Variants in PPFIBP2 observed in about 807,000 individuals in gnomAD.
PPFIBP2 encodes the protein PPFIB scaffold protein 2.
In PPFIBP2, 118 loss-of-function variants were observed where a neutral mutation model predicts 118.3. The observed-to-expected ratio is 1.00, with a 90% CI of 0.86 to 1.16. The LOEUF is 1.16. Ranked by LOEUF, PPFIBP2 falls within the 50% of genes most tolerant of loss-of-function variation. The pLI is 0.00. For synonymous variants in PPFIBP2, 414 were observed against 397.4 expected, an observed-to-expected ratio of 1.04 and a Z score of -0.50; for missense variants, 1,195 against 1,073.1, an observed-to-expected ratio of 1.11 and a Z score of -1.59.
At chr11:7,589,306 CA>C (rs1269664291) in intron 3 of PPFIBP2, among the ~76,000 whole-genome samples, 2 of 152,068 alleles carry the variant, frequency 1.3e-5, no homozygotes, top group African/African-American at 4.8e-5. Flanking sequence ...AGAAAATTAG[CA>C]TGTAGGCCAG....
intron 1 of PPFIBP2, among the ~76,000 whole-genome samples, chr11:7,527,158 G>T (rs533169413): frequency 1.3e-5 from 2 of 152,042 alleles, no homozygotes; most frequent in African/African-American, 4.8e-5. Context: ...CATAGAGTGA[G>T]CAAGGTTCCA....
At chr11:7,622,424 T>C (rs112415376) in intron 7 of PPFIBP2, among the ~76,000 whole-genome samples, 2,876 of 152,308 alleles carry the variant, frequency 0.019, 82 homozygotes, top group African/African-American at 0.066. Flanking sequence ...CATCAGGGTC[T>C]CTCTATCTCA....
intron 3 of PPFIBP2, among the ~76,000 whole-genome samples, chr11:7,586,817 A>T (rs1858302176): frequency 6.6e-6 from 1 of 152,218 alleles, no homozygotes; most frequent in African/African-American, 2.4e-5. Flanking sequence ...AATGAGGGGA[A>T]CAGGGAACCC....
chr11:7,578,418 C>T (rs1856775327), intron 3 of PPFIBP2, among the ~76,000 whole-genome samples: 1 of 152,202 alleles, frequency 6.6e-6, no homozygotes, highest in African/African-American at 2.4e-5. Flanking sequence ...TGCAGAAGGA[C>T]AGAAGAACCA....
chr11:7,514,374 G>A (rs1849048359), intron 1 of PPFIBP2, among the ~76,000 whole-genome samples: 1 of 152,206 alleles, frequency 6.6e-6, no homozygotes, highest in South Asian at 2.1e-4. Context: ...AACCCTGCCT[G>A]GGATCCGCGG....
At chr11:7,543,512 A>G (rs1176318014) in intron 1 of PPFIBP2, among the ~76,000 whole-genome samples, 1 of 152,214 alleles carries the variant, frequency 6.6e-6, no homozygotes, top group Non-Finnish European at 1.5e-5. Context: ...GCTCTGGCTC[A>G]ACTGTGTCCA....
At position 7,579,645 on chromosome 11, in the gene PPFIBP2, A is replaced by G. The variant is rs186765783; in HGVS notation, c.280-13487A>G. On this transcript the variant is annotated intron_variant, in intron 3 of 23. Transcript: ENST00000299492. ...AACTCTGCCTGCTACAGGAGAAGTT[A>G]TGTGTGTGGAGGAACTAATTTTGCA... 4.6e-5 allele frequency among the ~76,000 whole-genome samples: 7 copies of G among 152,310 alleles called. No homozygotes were observed. The East Asian group carries it at 1.3e-3, about 29-fold the overall frequency.
Position 7,543,248 on chromosome 11 carries a change from C to A in PPFIBP2, c.-36-6192C>A, listed in dbSNP as rs1851971158. On this transcript the variant is annotated intron_variant, in intron 1 of 23. Coordinates refer to ENST00000299492, the MANE Select transcript of PPFIBP2 (RefSeq NM_003621.5). ...AGCTTAGGGATAGCAAAAGGTATTT[C>A]TTAAAATAACCATTTAAGAGCAGCT... is the stretch of plus-strand genomic sequence containing the variant. Among the ~76,000 whole-genome samples the A allele has an allele frequency of 2.0e-5, 3 of 152,228 alleles. 1 individual carries two copies. In the South Asian group the frequency reaches 6.2e-4, roughly 31 times the overall value.
rs773849125 is a variant in PPFIBP2 at position 7,651,641 on chromosome 11, C to G, written c.2248-15C>G. The G allele has an allele frequency of 8.8e-6, 14 of 1,590,252 alleles. No individual in the cohort carries two copies. The highest frequency in any genetic ancestry group is 1.7e-4 in the Middle Eastern group (1 of 5,966). On this transcript the variant is annotated splice_polypyrimidine_tract_variant and intron_variant, in intron 22 of 23. Transcript: ENST00000299492. Reference sequence around the variant, plus strand: ...TATTTGCTCCTGGCCAGGCTTGTCTCTGGTTCCTTCTTAGATCCTGGAGCC... The same window carrying G: ...TATTTGCTCCTGGCCAGGCTTGTCTGTGGTTCCTTCTTAGATCCTGGAGCC...
chr11:7,650,467 A>C (rs1290662108), intron 21 of PPFIBP2, among the ~76,000 whole-genome samples: 1 of 152,256 alleles, frequency 6.6e-6, no homozygotes, highest in Non-Finnish European at 1.5e-5. Context: ...TGGCCACACC[A>C]GGGAGATCTT....
At chr11:7,569,501 C>T (rs1855411589) in intron 3 of PPFIBP2, among the ~76,000 whole-genome samples, 1 of 152,186 alleles carries the variant, frequency 6.6e-6, no homozygotes, top group Non-Finnish European at 1.5e-5. Context: ...AATGGGGATA[C>T]CCTCTGGGGC....
downstream of PPFIBP2, among the ~76,000 whole-genome samples, chr11:7,660,238 G>A (rs1273795229): frequency 7.9e-6 from 1 of 126,698 alleles, no homozygotes; most frequent in East Asian, 2.0e-4. Flanking sequence ...GTTTTCAAAG[G>A]GAATGCTTCC....
chr11:7,629,943 G>C (rs1009666687), intron 10 of PPFIBP2, among the ~76,000 whole-genome samples: 1 of 152,206 alleles, frequency 6.6e-6, no homozygotes, highest in African/African-American at 2.4e-5. Flanking sequence ...AGCAGACTCA[G>C]AGGGCCCTCT....
chr11:7,625,755 G>A (rs372649357), intron 7 of PPFIBP2, 22 bp from the exon 8 acceptor site: 4 of 1,604,088 alleles, frequency 2.5e-6, no homozygotes, highest in Non-Finnish European at 3.4e-6. Flanking sequence ...GACCTGGTAG[G>A]GATCCTCTGT....
chr11:7,515,352 T>C (rs1279285469), intron 1 of PPFIBP2, among the ~76,000 whole-genome samples: 2 of 152,246 alleles, frequency 1.3e-5, no homozygotes, highest in African/African-American at 4.8e-5. Context: ...ACTGGAGAGA[T>C]AAGCTGCTTA....
chr11:7,660,542 G>A (rs1229402449), downstream of PPFIBP2, among the ~76,000 whole-genome samples: 10 of 149,748 alleles, frequency 6.7e-5, no homozygotes, highest in African/African-American at 2.2e-4. Flanking sequence ...TGCTGGATTC[G>A]TTTTGCCAGT....
chr11:7,666,601 C>T, the PPFIBP2 span: 2 of 1,366,652 alleles, frequency 1.5e-6, no homozygotes, highest in Admixed American at 1.7e-5. Flanking sequence ...TCCTCTTGTT[C>T]CCTGGACTGA....
chr11:7,538,859 A>G (rs1405294347), intron 1 of PPFIBP2, among the ~76,000 whole-genome samples: 4 of 152,134 alleles, frequency 2.6e-5, no homozygotes, highest in Non-Finnish European at 5.9e-5. Flanking sequence ...TGCAGTTCTG[A>G]TAGATCTCAG....
intron 6 of PPFIBP2, among the ~76,000 whole-genome samples, chr11:7,618,925 C>G (rs528121728): frequency 4.3e-4 from 60 of 139,854 alleles, no homozygotes; most frequent in Middle Eastern, 3.9e-3. Flanking sequence ...TAACGGGCAT[C>G]AGCATATGCT....
Sources: allele counts gnomAD v4.1 joint callset (sites outside exome capture counted in the v4.1 genomes callset), GRCh38; gene constraint gnomAD v4.1.1; transcripts MANE v1.5; gene names NCBI Gene and HGNC (gene_info 2026-07-23, HGNC 2026-07-21).